Variants in ADGRB3 observed in about 807,000 individuals in gnomAD.
The protein encoded by ADGRB3 is brain-specific angiogenesis inhibitor 3.
In ADGRB3, 37 loss-of-function variants were observed where a neutral mutation model predicts 193.4. The ratio of observed to expected loss-of-function variants is 0.19; its 90% CI spans 0.15 to 0.25. The LOEUF is 0.25. Among genes scored for constraint, ADGRB3 ranks in the 10% least tolerant of loss-of-function variants. The pLI is 1.00. For synonymous variants in ADGRB3, 690 were observed against 644.2 expected, an observed-to-expected ratio of 1.07 and a Z score of -1.08; for missense variants, 1,637 against 1,852.9, an observed-to-expected ratio of 0.88 and a Z score of 2.14.
In ADGRB3 at chr6:68,979,149, A is replaced by G. The variant is rs1039398579; in HGVS notation, c.1734+3809A>G. 3.3e-5 allele frequency among the ~76,000 whole-genome samples: 5 copies of G among 151,414 alleles called. No homozygotes were observed. In the East Asian group the frequency reaches 9.6e-4, roughly 29 times the overall value. On this transcript the variant is annotated intron_variant, in intron 10 of 31. Transcript: ENST00000370598. ...GTAAATCTTCATTGCTATAGTCCTA[A>G]CATAATACTAAGCATATACTATTAA...
At chr6:69,264,513 C>CTT (rs911360878) in intron 20 of ADGRB3, among the ~76,000 whole-genome samples, 358 of 148,446 alleles carry the variant, frequency 2.4e-3, no homozygotes, top group African/African-American at 8.2e-3. Flanking sequence ...TTCTCATCTC[C>CTT]TTTTTTTTTT....
At chr6:68,737,366 T>C (rs1358677304) in intron 3 of ADGRB3, among the ~76,000 whole-genome samples, 1 of 152,130 alleles carries the variant, frequency 6.6e-6, no homozygotes, top group Non-Finnish European at 1.5e-5. Flanking sequence ...TTTCACATGT[T>C]TAAGGGATGT....
chr6:69,100,825 A>AGAAGGAAG (rs1280498014), intron 17 of ADGRB3, among the ~76,000 whole-genome samples: 1 of 16,156 alleles, frequency 6.2e-5, no homozygotes, highest in Admixed American at 8.6e-4. Context: ...AAGGAAGGAA[A>AGAAGGAAG]GAAGGAAGGA....
At chr6:69,276,894 T>C (rs1010866110) in intron 20 of ADGRB3, among the ~76,000 whole-genome samples, 9 of 152,262 alleles carry the variant, frequency 5.9e-5, no homozygotes, top group African/African-American at 2.2e-4. Flanking sequence ...ACTCATCAAA[T>C]TGTATACATT....
chr6:69,096,804 T>G (rs183174726), intron 17 of ADGRB3, among the ~76,000 whole-genome samples: 2 of 152,332 alleles, frequency 1.3e-5, no homozygotes, highest in South Asian at 2.1e-4. Flanking sequence ...AGTGCTTCAT[T>G]TGATCTTGGG....
intron 5 of ADGRB3, among the ~76,000 whole-genome samples, chr6:68,938,197 A>G (rs1298108252): frequency 6.6e-6 from 1 of 152,112 alleles, no homozygotes; most frequent in Non-Finnish European, 1.5e-5. Flanking sequence ...AACTAGAGCA[A>G]GAAAAAAGCA....
intron 3 of ADGRB3, among the ~76,000 whole-genome samples, chr6:68,850,861 T>A (rs1768384053): frequency 6.6e-6 from 1 of 152,084 alleles, no homozygotes; most frequent in Non-Finnish European, 1.5e-5. Flanking sequence ...TTCTGAATTA[T>A]ATATTGTTAC....
At chr6:68,641,645 T>C (rs1768084449) in intron 3 of ADGRB3, among the ~76,000 whole-genome samples, 1 of 152,146 alleles carries the variant, frequency 6.6e-6, no homozygotes, top group Admixed American at 6.5e-5. Flanking sequence ...TATTCTGAGT[T>C]CAGAAAGGTA....
intron 3 of ADGRB3, among the ~76,000 whole-genome samples, chr6:68,898,238 A>C (rs1434462945): frequency 6.6e-6 from 1 of 151,866 alleles, no homozygotes. Context: ...TGGAGCTCTG[A>C]TGTCTAAGGG....
intron 16 of ADGRB3, among the ~76,000 whole-genome samples, chr6:69,063,788 A>G (rs1309596046): frequency 2.0e-5 from 3 of 152,026 alleles, no homozygotes; most frequent in African/African-American, 4.8e-5. Context: ...CAAATTTTCA[A>G]TGTCTACTTA....
At chr6:68,987,370 T>A (rs899648171) in intron 10 of ADGRB3, among the ~76,000 whole-genome samples, 61 of 152,194 alleles carry the variant, frequency 4.0e-4, no homozygotes, top group African/African-American at 1.4e-3. Flanking sequence ...ACACATTATA[T>A]TCCATAAAAA....
chr6:69,299,259 A>AGTTTTT (rs1322626906), intron 20 of ADGRB3, among the ~76,000 whole-genome samples: 6 of 149,664 alleles, frequency 4.0e-5, no homozygotes, highest in Middle Eastern at 3.4e-3. Flanking sequence ...TGTTTTGTTT[A>AGTTTTT]GTTTTTGTTT....
intron 17 of ADGRB3, among the ~76,000 whole-genome samples, chr6:69,163,320 A>G (rs1775046345): frequency 6.6e-6 from 1 of 152,130 alleles, no homozygotes; most frequent in South Asian, 2.1e-4. Flanking sequence ...CCAAAAGTAT[A>G]TAAAATATCT....
At position 69,293,447 on chromosome 6, in the gene ADGRB3, G is replaced by C. The variant is rs180756015; in HGVS notation, c.2815-31425G>C. ...CAAACTAAGAATTCCCTGTCCACAA[G>C]TGCTTCCAATTTCACAACGTGGCGG... On this transcript the variant is annotated intron_variant, in intron 20 of 31. Coordinates refer to ENST00000370598, the MANE Select transcript of ADGRB3 (RefSeq NM_001704.3). Among the ~76,000 whole-genome samples the C allele has an allele frequency of 7.2e-4, 110 of 152,264 alleles. 1 individual carries two copies. Among genetic ancestry groups the C allele is most frequent in the Non-Finnish European group, 1.1e-3 (76 of 68,014 alleles).
At chr6:69,154,824 A>G (rs1774787371) in intron 17 of ADGRB3, among the ~76,000 whole-genome samples, 1 of 152,196 alleles carries the variant, frequency 6.6e-6, no homozygotes, top group African/African-American at 2.4e-5. Context: ...TTATTTATCC[A>G]TTCATCTATC....
At chr6:68,691,387 G>A (rs1173488492) in intron 3 of ADGRB3, among the ~76,000 whole-genome samples, 1 of 152,030 alleles carries the variant, frequency 6.6e-6, no homozygotes, top group Non-Finnish European at 1.5e-5. Context: ...ATTGATAGAT[G>A]AATGTGTAGT....
intron 16 of ADGRB3, among the ~76,000 whole-genome samples, chr6:69,073,033 G>A (rs771125858): frequency 2.3e-4 from 35 of 152,260 alleles, no homozygotes; most frequent in Middle Eastern, 3.4e-3. Flanking sequence ...GTGCTGACTA[G>A]CATAGGCCAT....
At chr6:69,028,724 T>C (rs1770516242) in intron 13 of ADGRB3, among the ~76,000 whole-genome samples, 1 of 152,204 alleles carries the variant, frequency 6.6e-6, no homozygotes, top group African/African-American at 2.4e-5. Context: ...TTGTTGTGAG[T>C]AACCCAAATG....
At position 68,919,840 on chromosome 6, in the gene ADGRB3, G is replaced by A. The variant is rs537337412; in HGVS notation, c.758-10719G>A. Among the ~76,000 whole-genome samples, 4 of 152,194 alleles carry A rather than the reference G, an allele frequency of 2.6e-5. No individual in the cohort carries two copies. In the East Asian group the frequency reaches 7.7e-4, roughly 29 times the overall value. On this transcript the variant is annotated intron_variant, in intron 3 of 31. Transcript: ENST00000370598. Reference sequence around the variant, plus strand: ...GATTATCTGACATTATTGGGTGAGTGGGAAGAGAGGAATTAGAGGATACTC... The same window carrying A: ...GATTATCTGACATTATTGGGTGAGTAGGAAGAGAGGAATTAGAGGATACTC...
Sources: allele counts gnomAD v4.1 joint callset (sites outside exome capture counted in the v4.1 genomes callset), GRCh38; gene constraint gnomAD v4.1.1; transcripts MANE v1.5; gene names NCBI Gene and HGNC (gene_info 2026-07-23, HGNC 2026-07-21).